UBE3C: variants seen among roughly 807,000 people sequenced by gnomAD.
UBE3C encodes ubiquitin protein ligase E3C.
UBE3C carries 42 observed loss-of-function variants against 129.4 expected under a neutral mutation model. The ratio of observed to expected loss-of-function variants is 0.32; its 90% CI spans 0.25 to 0.42. UBE3C has a LOEUF of 0.42. Ranked by LOEUF, UBE3C falls within the 10% of genes least tolerant of loss-of-function variation. The pLI, the probability that UBE3C is intolerant of heterozygous loss-of-function variation, is 1.00. For missense variants in UBE3C, 1,049 were observed against 1,319.1 expected, an observed-to-expected ratio of 0.80 and a Z score of 3.17; for synonymous variants, 510 against 492.4, an observed-to-expected ratio of 1.04 and a Z score of -0.47.
At chr7:157,228,188 C>T (rs1795930508) in intron 17 of UBE3C, among the ~76,000 whole-genome samples, 1 of 152,196 alleles carries the variant, frequency 6.6e-6, no homozygotes, top group Admixed American at 6.5e-5. Context: ...CATGTTAGCC[C>T]CTGTTACCCA....
chr7:157,182,065 G>C (rs756798080), intron 7 of UBE3C, 43 bp from the exon 8 acceptor site: 23 of 1,501,156 alleles, frequency 1.5e-5, no homozygotes, highest in Non-Finnish European at 2.1e-5. Flanking sequence ...TGGATGGACA[G>C]TATAATTTGA....
chr7:157,146,721 C>T (rs1227963164), intron 1 of UBE3C, among the ~76,000 whole-genome samples: 1 of 152,062 alleles, frequency 6.6e-6, no homozygotes, highest in African/African-American at 2.4e-5. Flanking sequence ...GTGTTGTGAC[C>T]TCGGCTCACT....
intron 10 of UBE3C, among the ~76,000 whole-genome samples, chr7:157,188,780 C>T (rs1250306769): frequency 6.6e-6 from 1 of 151,322 alleles, no homozygotes; most frequent in African/African-American, 2.5e-5. Flanking sequence ...CTAACTGTTA[C>T]AGATTTTAAC....
At chr7:157,190,034 C>G (rs1279730119) in intron 10 of UBE3C, among the ~76,000 whole-genome samples, 2 of 152,188 alleles carry the variant, frequency 1.3e-5, no homozygotes, top group Non-Finnish European at 2.9e-5. Context: ...CTCCTGACCT[C>G]AGGTGATCTC....
chr7:157,161,654 A>G (rs1368844640), intron 1 of UBE3C, among the ~76,000 whole-genome samples: 2 of 152,002 alleles, frequency 1.3e-5, no homozygotes, highest in Admixed American at 6.6e-5. Context: ...GGGTTTCACC[A>G]TGTAGCCCAG....
intron 17 of UBE3C, among the ~76,000 whole-genome samples, chr7:157,230,627 G>A (rs551937621): frequency 1.3e-4 from 19 of 151,518 alleles, no homozygotes; most frequent in Admixed American, 2.6e-4. Context: ...CCCGGGAGGC[G>A]GAGGTTGCAG....
chr7:157,174,806 A>G, intron 4 of UBE3C, 113 bp from the exon 5 acceptor site: 1 of 684,718 alleles, frequency 1.5e-6, no homozygotes. Context: ...CCATCTTTTG[A>G]TTAGGTTTGA....
chr7:157,153,492 C>G (rs777204810), intron 1 of UBE3C, among the ~76,000 whole-genome samples: 1 of 152,110 alleles, frequency 6.6e-6, no homozygotes, highest in African/African-American at 2.4e-5. Context: ...GTCCAGGTCT[C>G]ACGGCGTTGC....
chr7:157,148,128 C>A (rs1398516285), intron 1 of UBE3C, among the ~76,000 whole-genome samples: 1 of 151,972 alleles, frequency 6.6e-6, no homozygotes, highest in Non-Finnish European at 1.5e-5. Flanking sequence ...ACAGAGTCTC[C>A]CTCTGTCGCC....
chr7:157,185,912 A>G (rs1808792311), intron 9 of UBE3C, among the ~76,000 whole-genome samples: 1 of 152,120 alleles, frequency 6.6e-6, no homozygotes, highest in Admixed American at 6.6e-5. Context: ...TATTCATCCA[A>G]GTTTCCAGAC....
rs1426007442 is a variant in UBE3C, at chr7:157,181,619, A to T, written c.718A>T (p.Asn240Tyr). ...TCCTATAGCAAAAATTTTGCTAGAG[A>T]ATGTTCTAAAACCATTGCACTTTAC... is the stretch of plus-strand genomic sequence containing the variant. ...RVPIAKILLE[N>Y]VLKPLHFTYN... is the part of the protein sequence containing the mutation. Residue 240 changes from asparagine (N) to tyrosine (Y), a missense_variant, in exon 7 of 23, where the codon AAT becomes TAT. By Grantham distance (143) the Asn-to-Tyr change is moderately radical. Around this residue, in one of 4 missense-constraint regions of UBE3C, gnomAD observed 489 missense variants for 513.8 expected, o/e 0.95. Transcript: ENST00000348165. 6.2e-7 allele frequency: 1 copy of T among 1,613,810 alleles called. No homozygotes were observed. Among genetic ancestry groups the T allele is most frequent in the Non-Finnish European group, 8.5e-7 (1 of 1,179,938 alleles).
intron 15 of UBE3C, chr7:157,221,278 C>T (rs1441273061): frequency 1.3e-5 from 2 of 153,902 alleles, no homozygotes; most frequent in Non-Finnish European, 2.9e-5. Flanking sequence ...GAGTAAGTTT[C>T]ACTGGGAGTA....
chr7:157,187,730 C>G (rs985284247), intron 10 of UBE3C, among the ~76,000 whole-genome samples: 10 of 151,956 alleles, frequency 6.6e-5, no homozygotes, highest in African/African-American at 2.4e-4. Context: ...GCGCCCGCCA[C>G]CTCGCCCGGC....
At position 157,225,473 on chromosome 7, in the gene UBE3C, A is replaced by G; in HGVS notation, c.2167A>G (p.Ile723Val). ...VQGDGPFLDGINVTIRRNYIY... is the reference protein window; with the variant it reads ...VQGDGPFLDGVNVTIRRNYIY... ...AGGAGATGGTCCATTTCTGGATGGA[A>G]TTAATGTCACAATAAGAAGAAATTA... Residue 723 changes from isoleucine (I) to valine (V), a missense_variant, in exon 17 of 23, where the codon ATT becomes GTT. Coordinates refer to ENST00000348165, the MANE Select transcript of UBE3C (RefSeq NM_014671.3). 1 of 1,604,986 alleles carries G rather than the reference A, an allele frequency of 6.2e-7. No homozygotes were observed. Among genetic ancestry groups the G allele is most frequent in the Non-Finnish European group, 8.5e-7 (1 of 1,177,814 alleles).
At chr7:157,215,724 A>G (rs762322610) in intron 13 of UBE3C, among the ~76,000 whole-genome samples, 34 of 152,102 alleles carry the variant, frequency 2.2e-4, no homozygotes, top group Middle Eastern at 3.4e-3. Context: ...GCTCTGTAGT[A>G]GTTATATGAT....
At chr7:157,254,543 A>G (rs940160896) in intron 21 of UBE3C, among the ~76,000 whole-genome samples, 26 of 151,748 alleles carry the variant, frequency 1.7e-4, no homozygotes, top group Non-Finnish European at 3.4e-4. Flanking sequence ...GATTACAGGC[A>G]CCTGCCACCA....
In UBE3C at chr7:157,197,548, T is replaced by C. The variant is rs1586681193; in HGVS notation, c.1332-4173T>C. On this transcript the variant is annotated intron_variant, in intron 10 of 22. Coordinates refer to ENST00000348165, the MANE Select transcript of UBE3C (RefSeq NM_014671.3). Reference sequence around the variant, plus strand: ...TTAATGCTGGAGGTATTGTCCTTATTAATACGACACATCATCTGTTCCCAC... The same window carrying C: ...TTAATGCTGGAGGTATTGTCCTTATCAATACGACACATCATCTGTTCCCAC... 4 of 1,177,898 alleles carry C rather than the reference T, an allele frequency of 3.4e-6. No homozygotes were observed. In the East Asian group the frequency reaches 9.6e-5, roughly 28 times the overall value. 73.0% of individuals were successfully genotyped at this position (1,177,898 alleles called of 1,614,324 possible). A position where few individuals can be genotyped will look rare whatever the true frequency, so the allele number is the denominator to read the frequency against.
intron 18 of UBE3C, among the ~76,000 whole-genome samples, chr7:157,238,749 T>G (rs1796218335): frequency 6.6e-6 from 1 of 152,088 alleles, no homozygotes; most frequent in African/African-American, 2.4e-5. Context: ...TAGGTGTCAC[T>G]GGAGAAGAGA....
chr7:157,218,517 A>G lies in UBE3C; in HGVS notation c.1914+1546A>G, dbSNP rs911838282. ...GAGAAAACAGGAGTGTTTCAGAACA[A>G]TTTTATAAGCATGACTATGTCCTCA... On this transcript the variant is annotated intron_variant, in intron 14 of 22. Transcript: ENST00000348165. 2.6e-5 allele frequency among the ~76,000 whole-genome samples: 4 copies of G among 152,180 alleles called. No homozygotes were observed. In the South Asian group the frequency reaches 8.3e-4, roughly 32 times the overall value.
Sources: allele counts gnomAD v4.1 joint callset (sites outside exome capture counted in the v4.1 genomes callset), GRCh38; gene constraint gnomAD v4.1.1; regional missense constraint gnomAD v4.1.1; transcripts MANE v1.5; gene names NCBI Gene and HGNC (gene_info 2026-07-23, HGNC 2026-07-21).